ZNF485: variants seen among roughly 807,000 people sequenced by gnomAD.
The protein encoded by ZNF485 is Zinc finger protein 93 (Zinc finger protein HTF34).
A neutral mutation model predicts 10.8 loss-of-function variants in ZNF485; 9 were observed. That is an observed-to-expected ratio of 0.83 (90% CI 0.50 to 1.45). ZNF485 has a LOEUF of 1.45. Among genes scored for constraint, ZNF485 ranks in the 40% most tolerant of loss-of-function variants. The probability of loss-of-function intolerance (pLI) is 0.00; values close to 1 mark genes in which losing one functional copy is unlikely to be tolerated. For synonymous variants in ZNF485, 187 were observed against 181.0 expected (o/e 1.03, Z -0.27); for missense variants, 487 against 528.0 (o/e 0.92, Z 0.76).
chr10:43,616,550 C>T lies in ZNF485; in HGVS notation c.507C>T (p.Asn169=), dbSNP rs141553774. 3.1e-6 allele frequency: 5 copies of T among 1,614,080 alleles called. No homozygotes were observed. In the African/African-American group the frequency reaches 5.3e-5, roughly 17 times the overall value. The part of the protein sequence containing the change: ...KCKECGIAFM[N]SSSLLNHHKV... ...AAGAATGTGGGATCGCCTTTATGAA[C>T]AGTTCATCCCTTTTAAATCACCATA... Residue 169 remains asparagine, a synonymous_variant, in exon 5 of 5, where the codon AAC becomes AAT. Transcript: ENST00000361807.
At chr10:43,606,894 C>T in intron 1 of ZNF485, 103 bp from the exon 2 acceptor site, 1 of 830,154 alleles carries the variant, frequency 1.2e-6, no homozygotes, top group Non-Finnish European at 1.9e-6. Context: ...CCTGTCTGCC[C>T]ACCTGTGGAG....
chr10:43,611,475 T>C (rs1304118183), intron 4 of ZNF485, among the ~76,000 whole-genome samples: 1 of 152,204 alleles, frequency 6.6e-6, no homozygotes, highest in Non-Finnish European at 1.5e-5. Flanking sequence ...GTTGCAGTGA[T>C]TATCCTCATA....
chr10:43,617,112 C>T lies in ZNF485; in HGVS notation c.1069C>T (p.Arg357Cys), dbSNP rs760403777. ...THSGNKPYQC[R>C]DCGKAFTKSS... ...CAGTGGAAATAAACCGTATCAGTGT[C>T]GTGACTGTGGGAAGGCCTTTACAAA... Residue 357 changes from arginine to cysteine, a missense_variant, in exon 5 of 5, where the codon CGT becomes TGT. Arg to Cys is a radical substitution (Grantham distance 180). Transcript: ENST00000361807. The T allele has an allele frequency of 9.9e-6, 16 of 1,613,858 alleles. No homozygotes were observed. Among genetic ancestry groups the T allele is most frequent in the Admixed American group, 6.7e-5 (4 of 59,998 alleles).
chr10:43,615,529 G>A (rs1435969335), intron 4 of ZNF485, among the ~76,000 whole-genome samples: 1 of 151,354 alleles, frequency 6.6e-6, no homozygotes, highest in Admixed American at 6.6e-5. Flanking sequence ...AGCCTCCCGA[G>A]TAGCTGGGAT....
chr10:43,617,476 C>T lies in ZNF485; in HGVS notation c.*107C>T. 2 of 819,240 alleles carry T rather than the reference C, an allele frequency of 2.4e-6. No homozygotes were observed. Among genetic ancestry groups the T allele is most frequent in the East Asian group, 2.5e-5 (1 of 40,778 alleles). 50.7% of individuals were successfully genotyped at this position (819,240 alleles called of 1,614,324 possible). On this transcript the variant is annotated 3_prime_UTR_variant, in exon 5 of 5. Transcript: ENST00000361807. ...ACTCTGTACTTCTGAGAGAACACAT[C>T]ACTTGTGAGGATATTCATTGTGAGG...
At chr10:43,608,902 C>T (rs542834256) in intron 3 of ZNF485, among the ~76,000 whole-genome samples, 162 bp downstream of exon 3, 2 of 152,180 alleles carry the variant, frequency 1.3e-5, no homozygotes, top group Admixed American at 1.3e-4. Context: ...CCCCTTACAC[C>T]CCTCAAGAAA....
chr10:43,609,206 T>G (rs375355827), intron 3 of ZNF485, 49 bp from the exon 4 acceptor site: 2 of 1,446,114 alleles, frequency 1.4e-6, no homozygotes, highest in Non-Finnish European at 1.9e-6. Flanking sequence ...ACATTCCTTT[T>G]CATTCATTTT....
intron 4 of ZNF485, among the ~76,000 whole-genome samples, chr10:43,609,902 T>C (rs982330549): frequency 1.3e-5 from 2 of 152,132 alleles, no homozygotes; most frequent in Non-Finnish European, 2.9e-5. Context: ...TCACGGCTGG[T>C]CTCGAACTCC....
chr10:43,616,637 C>T lies in ZNF485; in HGVS notation c.594C>T (p.His198=). The change falls in exon 5 of 5, where the codon CAC becomes CAT. Residue 198 remains histidine, a synonymous_variant. Coordinates refer to ENST00000361807, the MANE Select transcript of ZNF485 (RefSeq NM_145312.4). ...CIECGKFLKK[H]STFINHQRIH... ...AATGTGGGAAGTTCCTGAAGAAGCACTCAACGTTTATCAACCATCAGAGAA... is the reference window on the plus strand; with the variant it reads ...AATGTGGGAAGTTCCTGAAGAAGCATTCAACGTTTATCAACCATCAGAGAA... 1 of 1,614,194 alleles carries T rather than the reference C, an allele frequency of 6.2e-7. No homozygotes were observed. The highest frequency in any genetic ancestry group is 2.2e-5 in the East Asian group (1 of 44,888).
chr10:43,615,133 A>C (rs1838829774), intron 4 of ZNF485, among the ~76,000 whole-genome samples: 2 of 152,208 alleles, frequency 1.3e-5, no homozygotes, highest in Non-Finnish European at 2.9e-5. Flanking sequence ...CATTGCATGG[A>C]ATTTCTCCCC....
At chr10:43,606,675 C>G in intron 1 of ZNF485, 129 bp downstream of exon 1, 1 of 356,662 alleles carries the variant, frequency 2.8e-6, no homozygotes, top group African/African-American at 2.1e-5. Context: ...TGGGCAGTGC[C>G]CACCCGCAGT....
intron 4 of ZNF485, among the ~76,000 whole-genome samples, chr10:43,615,775 G>C (rs1489757090): frequency 6.6e-6 from 1 of 152,070 alleles, no homozygotes; most frequent in Non-Finnish European, 1.5e-5. Context: ...AACTATTTTT[G>C]TTCCTTGAAT....
At position 43,616,641 on chromosome 10, in the gene ZNF485, A is replaced by C; in HGVS notation, c.598A>C (p.Thr200Pro). 3.1e-6 allele frequency: 5 copies of C among 1,614,200 alleles called. No individual in the cohort carries two copies. Among genetic ancestry groups the C allele is most frequent in the Non-Finnish European group, 4.2e-6 (5 of 1,180,028 alleles). ...ECGKFLKKHS[T>P]FINHQRIHSR... ...TGGGAAGTTCCTGAAGAAGCACTCA[A>C]CGTTTATCAACCATCAGAGAATTCA... The change falls in exon 5 of 5, where the codon ACG (threonine) becomes CCG (proline). Residue 200 changes from threonine to proline, a missense_variant. Transcript: ENST00000361807.
At chr10:43,608,491 C>A in intron 2 of ZNF485, 123 bp from the exon 3 acceptor site, 1 of 1,295,328 alleles carries the variant, frequency 7.7e-7, no homozygotes, top group Non-Finnish European at 1.1e-6. Flanking sequence ...TCAGCTTTTA[C>A]TTGTTGGTTT....
chr10:43,616,036 A>G lies in ZNF485; in HGVS notation c.248-255A>G, dbSNP rs192027344. On this transcript the variant is annotated intron_variant, in intron 4 of 4. Transcript: ENST00000361807. Reference sequence around the variant, plus strand: ...CCTGTGTTGTCTTCCTAACTTGGCAACTTCTTAGGGGCTCACTGCATTCTT... The same window carrying G: ...CCTGTGTTGTCTTCCTAACTTGGCAGCTTCTTAGGGGCTCACTGCATTCTT... Among the ~76,000 whole-genome samples the G allele has an allele frequency of 8.0e-4, 121 of 152,172 alleles. No individual in the cohort carries two copies. In the Middle Eastern group the frequency reaches 0.01, roughly 13 times the overall value.
chr10:43,616,523 T>G lies in ZNF485; in HGVS notation c.480T>G (p.Cys160Trp), dbSNP rs762343528. Residue 160 changes from cysteine (C) to tryptophan (W), a missense_variant, in exon 5 of 5, where the codon TGT (cysteine) becomes TGG (tryptophan). Physicochemically the swap from Cys to Trp is radical, Grantham distance 215 (BLOSUM62 -2). Coordinates refer to ENST00000361807, the MANE Select transcript of ZNF485 (RefSeq NM_145312.4). ...ACACCAGTGAGAAACCACATAAATG[T>G]AAAGAATGTGGGATCGCCTTTATGA... ...RNHTSEKPHK[C>W]KECGIAFMNS... 6.2e-7 allele frequency: 1 copy of G among 1,614,164 alleles called. No homozygotes were observed. Among genetic ancestry groups the G allele is most frequent in the Non-Finnish European group, 8.5e-7 (1 of 1,179,988 alleles).
At chr10:43,607,361 A>G (rs553633331) in intron 2 of ZNF485, 373 of 544,566 alleles carry the variant, frequency 6.8e-4, no homozygotes, top group African/African-American at 6.4e-3. Context: ...ATAAAGACAT[A>G]GGGTGATAGC....
rs780348337 is a variant in ZNF485 at position 43,616,932 on chromosome 10, C to T, written c.889C>T (p.Pro297Ser). 3.7e-6 allele frequency: 6 copies of T among 1,613,954 alleles called. No homozygotes were observed. The South Asian group carries it at 6.6e-5, about 18-fold the overall frequency. ...TCAGAAAATCCATACTGGTGAGAAG[C>T]CATATCAGTGTAATGAATGTGGAAA... ...EHQKIHTGEK[P>S]YQCNECGKAF... Residue 297 changes from proline to serine, a missense_variant, in exon 5 of 5, where the codon CCA (proline) becomes TCA (serine). Coordinates refer to ENST00000361807, the MANE Select transcript of ZNF485 (RefSeq NM_145312.4).
At chr10:43,615,444 T>C (rs1838835819) in intron 4 of ZNF485, among the ~76,000 whole-genome samples, 1 of 152,082 alleles carries the variant, frequency 6.6e-6, no homozygotes, top group African/African-American at 2.4e-5. Context: ...CTCTGTCACC[T>C]AGGCTGGAGT....
Sources: allele counts gnomAD v4.1 joint callset (sites outside exome capture counted in the v4.1 genomes callset), GRCh38; gene constraint gnomAD v4.1.1; transcripts MANE v1.5; gene names NCBI Gene and HGNC (gene_info 2026-07-23, HGNC 2026-07-21).